CLCF1: variants seen among roughly 807,000 people sequenced by gnomAD.
The protein encoded by CLCF1 is cardiotrophin like cytokine factor 1.
A neutral mutation model predicts 21.2 loss-of-function variants in CLCF1; 10 were observed. The ratio of observed to expected loss-of-function variants is 0.47; its 90% CI spans 0.29 to 0.80. CLCF1 has a LOEUF of 0.80. Among genes scored for constraint, CLCF1 ranks in the 30% least tolerant of loss-of-function variants. The pLI, the probability that CLCF1 is intolerant of heterozygous loss-of-function variation, is 0.09. For synonymous variants in CLCF1, 115 were observed against 120.5 expected (o/e 0.95, Z 0.30); for missense variants, 240 against 293.4 (o/e 0.82, Z 1.33).
rs1397339349 is a variant in CLCF1 at position 67,364,671 on chromosome 11, T to C, written c.*465A>G. 1 of 179,586 alleles carries C rather than the reference T, an allele frequency of 5.6e-6. No individual in the cohort carries two copies. The highest frequency in any genetic ancestry group is 1.2e-5 in the Non-Finnish European group (1 of 83,990). 11.1% of individuals were successfully genotyped at this position (179,586 alleles called of 1,614,324 possible). A position where few individuals can be genotyped will look rare whatever the true frequency, so the allele number is the denominator to read the frequency against. On this transcript the variant is annotated 3_prime_UTR_variant, in exon 3 of 3. Coordinates refer to ENST00000312438, the MANE Select transcript of CLCF1 (RefSeq NM_013246.3). The stretch of plus-strand genomic sequence containing the variant: ...TTGCCACCATGTTTGTTTCCTGAAT[T>C]GGATGTATAGAGTGATTTGGGGATA...
chr11:67,370,115 A>G (rs1862196489), intron 1 of CLCF1: 1 of 985,336 alleles, frequency 1.0e-6, no homozygotes, highest in Non-Finnish European at 1.2e-6. Flanking sequence ...AGGAGAAAAG[A>G]AAGGGGGGGT....
chr11:67,373,322 T>C (rs1330438834), intron 1 of CLCF1, among the ~76,000 whole-genome samples: 3 of 151,380 alleles, frequency 2.0e-5, no homozygotes, highest in South Asian at 2.1e-4. Flanking sequence ...GGCCACCTCC[T>C]GGCCCCGCCG....
intron 1 of CLCF1, chr11:67,370,765 C>T: frequency 2.0e-6 from 2 of 985,444 alleles, no homozygotes; most frequent in African/African-American, 1.7e-5. Flanking sequence ...CCAGGCTGAC[C>T]TTTCCCAGTG....
chr11:67,365,140 A>G lies in CLCF1; in HGVS notation c.674T>C (p.Phe225Ser). The G allele has an allele frequency of 1.2e-6, 2 of 1,613,832 alleles. No homozygotes were observed. The highest frequency in any genetic ancestry group is 1.7e-6 in the Non-Finnish European group (2 of 1,180,026). The change falls in exon 3 of 3, where the codon TTC (phenylalanine) becomes TCC (serine). Residue 225 changes from phenylalanine (F) to serine (S), a missense_variant. By Grantham distance (155) the Phe-to-Ser change is radical. Coordinates refer to ENST00000312438, the MANE Select transcript of CLCF1 (RefSeq NM_013246.3). This position sits in a 1 kb window ranked among gnomAD's most constrained non-coding sequence, Gnocchi z 5.0. ...AVTLHLGAHG[F>S] The stretch of plus-strand genomic sequence containing the variant: ...CGAAGAGGAGAAGGTCAGAAGTCAG[A>G]AGCCATGAGCCCCCAGGTGCAGGGT...
chr11:67,365,744 TC>T lies in CLCF1; in HGVS notation c.184-115del. 6.9e-7 allele frequency: 1 copy of T among 1,445,572 alleles called. No individual in the cohort carries two copies. The highest frequency in any genetic ancestry group is 1.4e-5 in the African/African-American group (1 of 70,392). The allele number at this position is 1,445,572 out of a possible 1,614,324, so 89.5% of individuals were successfully genotyped here. On this transcript the variant is annotated intron_variant, in intron 2 of 2. Transcript: ENST00000312438. The surrounding 1 kb of genome is among the most constrained non-coding windows in gnomAD (Gnocchi z 5.0). The stretch of plus-strand genomic sequence containing the variant: ...TTTGTGTCCCCTGACACTGGCCCTG[TC>T]TCCATGCTAGGCTTCTTTGTTCATG...
At chr11:67,368,544 G>A (rs1214181980) in intron 1 of CLCF1, 8 of 985,262 alleles carry the variant, frequency 8.1e-6, no homozygotes, top group Non-Finnish European at 9.6e-6. Flanking sequence ...GCTTTTCTGG[G>A]ATTTTAAGTG....
chr11:67,368,606 G>C, intron 1 of CLCF1: 1 of 985,428 alleles, frequency 1.0e-6, no homozygotes, highest in Non-Finnish European at 1.2e-6. Context: ...AGGCAGTTAG[G>C]GTTTGGCTAG....
intron 1 of CLCF1, chr11:67,369,026 C>T (rs916826083): frequency 1.0e-6 from 1 of 974,074 alleles, no homozygotes. Context: ...GCAGAAATAA[C>T]TTAGATAGGT....
rs140223765 is a variant in CLCF1 at position 67,370,238 on chromosome 11, C to T, written c.17-2612G>A. 38 of 985,364 alleles carry T rather than the reference C, an allele frequency of 3.9e-5. No individual in the cohort carries two copies. The African/African-American group carries it at 4.7e-4, about 12-fold the overall frequency. 61.0% of individuals were successfully genotyped at this position (985,364 alleles called of 1,614,324 possible). ...GTGGGGTGAACACCTGCGGTTTAGT[C>T]GTGAGCTTGGGAACCCAACACAGCT... On this transcript the variant is annotated intron_variant, in intron 1 of 2. Coordinates refer to ENST00000312438, the MANE Select transcript of CLCF1 (RefSeq NM_013246.3).
Position 67,368,852 on chromosome 11 carries a change from T to C in CLCF1, c.17-1226A>G, listed in dbSNP as rs560914039. On this transcript the variant is annotated intron_variant, in intron 1 of 2. Coordinates refer to ENST00000312438, the MANE Select transcript of CLCF1 (RefSeq NM_013246.3). ...TATGAAGAGCAGGGCTAGTTTGGGT[T>C]TTCAGCTTGAATAGGTGTGAGGTCA... 1,027 of 984,686 alleles carry C rather than the reference T, an allele frequency of 1.0e-3. 1 individual carries two copies. The highest frequency in any genetic ancestry group is 1.6e-3 in the South Asian group (33 of 21,240). 61.0% of individuals were successfully genotyped at this position (984,686 alleles called of 1,614,324 possible). A position where few individuals can be genotyped will look rare whatever the true frequency, so the allele number is the denominator to read the frequency against.
intron 2 of CLCF1, among the ~76,000 whole-genome samples, chr11:67,366,668 A>G (rs575321548): frequency 6.6e-6 from 1 of 152,244 alleles, no homozygotes; most frequent in Non-Finnish European, 1.5e-5. Flanking sequence ...GCAAGGGCCC[A>G]GGGGGAGGTT....
In CLCF1 at chr11:67,372,658, C is replaced by CG. The variant is rs1862264956; in HGVS notation, c.16+865dup. Among the ~76,000 whole-genome samples the CG allele has an allele frequency of 2.0e-5, 3 of 147,622 alleles. No homozygotes were observed. The highest frequency in any genetic ancestry group is 2.0e-4 in the Admixed American group (3 of 14,988). On this transcript the variant is annotated intron_variant, in intron 1 of 2. Coordinates refer to ENST00000312438, the MANE Select transcript of CLCF1 (RefSeq NM_013246.3). This position sits in a 1 kb window ranked among gnomAD's most constrained non-coding sequence, Gnocchi z 5.9. ...GGGGCGGGGGCGGGGTCCGGGGCAC[C>CG]GGGCTCCGGGCTCTGCCCGGCGCTG...
chr11:67,370,056 G>A (rs924543829), intron 1 of CLCF1: 1 of 985,256 alleles, frequency 1.0e-6, no homozygotes, highest in African/African-American at 1.7e-5. Context: ...ACGGCCCACA[G>A]AACCAGAAAG....
At position 67,364,737 on chromosome 11, in the gene CLCF1, G is replaced by A; in HGVS notation, c.*399C>T. The A allele has an allele frequency of 4.3e-6, 1 of 233,544 alleles. No homozygotes were observed. The allele number at this position is 233,544 out of a possible 1,614,324, so 14.5% of individuals were successfully genotyped here. A position where few individuals can be genotyped will look rare whatever the true frequency, so the allele number is the denominator to read the frequency against. On this transcript the variant is annotated 3_prime_UTR_variant, in exon 3 of 3. Transcript: ENST00000312438. ...TCCAAGGAGAGTGGGGCAGCCAAAG[G>A]GCTTCACCCCAGAAAGGCATGTGTG...
intron 1 of CLCF1, chr11:67,369,657 G>T: frequency 1.0e-6 from 1 of 985,446 alleles, no homozygotes; most frequent in Non-Finnish European, 1.2e-6. Flanking sequence ...TTTCAGCATC[G>T]AGTCTGGCTT....
chr11:67,370,473 C>G, intron 1 of CLCF1: 1 of 984,304 alleles, frequency 1.0e-6, no homozygotes, highest in Non-Finnish European at 1.2e-6. Context: ...CCCGTCTTCT[C>G]TGTGTGTTTA....
chr11:67,372,718 G>C lies in CLCF1; in HGVS notation c.16+806C>G, dbSNP rs1400266716. 6.7e-6 allele frequency among the ~76,000 whole-genome samples: 1 copy of C among 149,932 alleles called. No individual in the cohort carries two copies. Among genetic ancestry groups the C allele is most frequent in the African/African-American group, 2.4e-5 (1 of 41,104 alleles). On this transcript the variant is annotated intron_variant, in intron 1 of 2. Coordinates refer to ENST00000312438, the MANE Select transcript of CLCF1 (RefSeq NM_013246.3). This position sits in a 1 kb window ranked among gnomAD's most constrained non-coding sequence, Gnocchi z 5.9. ...GCGCGTCAACTCCCCTCCTGCCCGG[G>C]CTGAGCGGCTGCTCCCGCCGCTCCC...
intron 1 of CLCF1, chr11:67,369,379 C>T: frequency 1.0e-6 from 1 of 985,398 alleles, no homozygotes. Context: ...AGGCACTCAA[C>T]TGCTCCCTGG....
At chr11:67,370,724 A>C (rs972945260) in intron 1 of CLCF1, 58 of 985,244 alleles carry the variant, frequency 5.9e-5, no homozygotes, top group Non-Finnish European at 6.6e-5. Context: ...CACTTTAGCC[A>C]GCTGCCCCTC....
Sources: allele counts gnomAD v4.1 joint callset (sites outside exome capture counted in the v4.1 genomes callset), GRCh38; gene constraint gnomAD v4.1.1; non-coding constraint Gnocchi (gnomAD v3.1); transcripts MANE v1.5; gene names NCBI Gene and HGNC (gene_info 2026-07-23, HGNC 2026-07-21).